The following EXOC7 variants were observed in gnomAD, a reference collection of about 807,000 sequenced individuals.
EXOC7 encodes exocyst complex component 7.
In EXOC7, 51 loss-of-function variants were observed where a neutral mutation model predicts 87.6. The ratio of observed to expected loss-of-function variants is 0.58; its 90% CI spans 0.46 to 0.73. The LOEUF (loss-of-function observed/expected upper bound fraction) is 0.73. Ranked by LOEUF, EXOC7 falls within the 30% of genes least tolerant of loss-of-function variation. EXOC7 has a pLI of 0.00. For synonymous variants in EXOC7, 327 were observed against 357.1 expected, an observed-to-expected ratio of 0.92 and a Z score of 0.95; for missense variants, 744 against 888.4, an observed-to-expected ratio of 0.84 and a Z score of 2.07.
chr17:76,090,523 G>A (rs1309342725), intron 7 of EXOC7: 2 of 1,540,048 alleles, frequency 1.3e-6, no homozygotes, highest in Non-Finnish European at 1.8e-6. Flanking sequence ...GATGGGGAAG[G>A]GGGCATCGGA....
rs771151801 is a variant in EXOC7, at chr17:76,088,832, G to A, written c.1139C>T (p.Thr380Ile). Residue 380 changes from threonine (T) to isoleucine (I), a missense_variant, in exon 9 of 19, where the codon ACC becomes ATC. Around this residue, in one of 3 missense-constraint regions of EXOC7, gnomAD observed 512 missense variants for 573.0 expected, o/e 0.89. Coordinates refer to ENST00000589210, the MANE Select transcript of EXOC7 (RefSeq NM_001013839.4). ...IVRHDFSTVL[T>I]VFPILRHLKQ... Reference sequence around the variant, plus strand: ...GAGGTGTCGCAGGATGGGGAAGACGGTGAGCACCGTGGAGAAGTCGTGTCG... The same window carrying A: ...GAGGTGTCGCAGGATGGGGAAGACGATGAGCACCGTGGAGAAGTCGTGTCG... 3.1e-6 allele frequency: 5 copies of A among 1,613,886 alleles called. No homozygotes were observed. Among genetic ancestry groups the A allele is most frequent in the Non-Finnish European group, 3.4e-6 (4 of 1,180,036 alleles).
At position 76,091,154 on chromosome 17, in the gene EXOC7, A is replaced by G. The variant is rs775916872; in HGVS notation, c.890T>C (p.Ile297Thr). Residue 297 changes from isoleucine to threonine, a missense_variant, in exon 7 of 19, where the codon ATT (isoleucine) becomes ACT (threonine). By Grantham distance (89) the Ile-to-Thr change is moderately conservative (BLOSUM62 -1). Around this residue, in one of 3 missense-constraint regions of EXOC7, gnomAD observed 512 missense variants for 573.0 expected, o/e 0.89. Transcript: ENST00000589210. ...CACAGGGTGATTACCTTCCAGAGGA[A>G]TGAGGTTAGAGCCCCCCTTTTTCCC... ...LDGKKGGSNL[I>T]PLEGRDDMLD... 1 of 1,613,764 alleles carries G rather than the reference A, an allele frequency of 6.2e-7. No individual in the cohort carries two copies. The highest frequency in any genetic ancestry group is 8.5e-7 in the Non-Finnish European group (1 of 1,179,648).
rs147532267 is a variant in EXOC7, at chr17:76,101,569, T to C, written c.311+110A>G. On this transcript the variant is annotated intron_variant, in intron 3 of 18. Transcript: ENST00000589210. ...GTCCAGACTGGTCTTGAACTCCTAG[T>C]CTCAAGCGATCCTCCCACCTCAGCC... 4.1e-4 allele frequency: 578 copies of C among 1,404,148 alleles called. 6 individuals are homozygous for C. The African/African-American group carries it at 7.4e-3, about 18-fold the overall frequency. 87.0% of individuals were successfully genotyped at this position (1,404,148 alleles called of 1,614,324 possible). A position where few individuals can be genotyped will look rare whatever the true frequency, so the allele number is the denominator to read the frequency against.
In EXOC7 at chr17:76,082,607, C is replaced by G. The variant is rs1163431309; in HGVS notation, c.*1041G>C. 1.2e-6 allele frequency: 2 copies of G among 1,613,388 alleles called. No homozygotes were observed. The highest frequency in any genetic ancestry group is 1.7e-6 in the Non-Finnish European group (2 of 1,179,844). Reference sequence around the variant, plus strand: ...ATGTGGGCAGCGTGCAAGTCTGACGCAGCCCCTGGAGAGGCTGCACCCCAT... The same window carrying G: ...ATGTGGGCAGCGTGCAAGTCTGACGGAGCCCCTGGAGAGGCTGCACCCCAT... On this transcript the variant is annotated 3_prime_UTR_variant, in exon 19 of 19. Transcript: ENST00000589210.
At chr17:76,103,174 AGGGTACGGAACATGG>A (rs2068158099) in intron 2 of EXOC7, 172 bp downstream of exon 2, 1 of 600,030 alleles carries the variant, frequency 1.7e-6, no homozygotes. Context: ...CTCCTCAGTG[AGGGTACGGAACATGG>A]GGAGGGGGCT....
intron 7 of EXOC7, chr17:76,090,640 C>A: frequency 1.5e-6 from 1 of 672,034 alleles, no homozygotes; most frequent in Non-Finnish European, 2.5e-6. Flanking sequence ...TTTCCCCGAG[C>A]CTGGAGGCCC....
At chr17:76,087,793 G>A in intron 11 of EXOC7, 73 bp from the exon 12 acceptor site, 2 of 1,483,884 alleles carry the variant, frequency 1.3e-6, no homozygotes, top group East Asian at 2.5e-5. Context: ...CGACCCCTCT[G>A]AGTGCCCAGG....
intron 12 of EXOC7, chr17:76,087,009 CT>C: frequency 2.4e-6 from 2 of 842,290 alleles, no homozygotes; most frequent in Non-Finnish European, 3.9e-6. Context: ...TTAAGCAGAC[CT>C]CTCCCCACGA....
In EXOC7 at chr17:76,081,936, TGCTGCTGGCTGG is replaced by T. The variant is rs1209393823; in HGVS notation, c.*1700_*1711del. 10 of 1,613,302 alleles carry T rather than the reference TGCTGCTGGCTGG, an allele frequency of 6.2e-6. No individual in the cohort carries two copies. Among genetic ancestry groups the T allele is most frequent in the Admixed American group, 1.7e-5 (1 of 59,934 alleles). ...CTCTTCCTCAGCACCATAGAGACTG[TGCTGCTGGCTGG>T]GCTGCTGGCCCGGGGCAACCTTGGG... On this transcript the variant is annotated 3_prime_UTR_variant, in exon 19 of 19. Transcript: ENST00000589210.
intron 4 of EXOC7, among the ~76,000 whole-genome samples, chr17:76,100,682 C>T (rs933620963): frequency 2.0e-5 from 3 of 151,530 alleles, no homozygotes; most frequent in Admixed American, 2.0e-4. Context: ...AATAAAGGAA[C>T]AACAAATGCA....
rs2067063058 is a variant in EXOC7 at position 76,083,344 on chromosome 17, A to C, written c.*304T>G. On this transcript the variant is annotated 3_prime_UTR_variant, in exon 19 of 19. Coordinates refer to ENST00000589210, the MANE Select transcript of EXOC7 (RefSeq NM_001013839.4). Reference sequence around the variant, plus strand: ...CTGCTCTTGGTACACATGGAGCAGCAGTGGGCACAGGCCTCTGTCTTCCTT... The same window carrying C: ...CTGCTCTTGGTACACATGGAGCAGCCGTGGGCACAGGCCTCTGTCTTCCTT... 2 of 371,682 alleles carry C rather than the reference A, an allele frequency of 5.4e-6. No individual in the cohort carries two copies. The highest frequency in any genetic ancestry group is 1.0e-5 in the Non-Finnish European group (2 of 196,582). The allele number at this position is 371,682 out of a possible 1,614,324, so 23.0% of individuals were successfully genotyped here.
At chr17:76,103,087 GTGTT>G (rs1205330367) in intron 2 of EXOC7, 29 of 499,628 alleles carry the variant, frequency 5.8e-5, no homozygotes, top group African/African-American at 5.1e-4. Flanking sequence ...GACTCACTGA[GTGTT>G]TGCAGAAGGA....
chr17:76,086,421 C>T (rs2067214749), intron 12 of EXOC7, among the ~76,000 whole-genome samples: 1 of 152,186 alleles, frequency 6.6e-6, no homozygotes, highest in Non-Finnish European at 1.5e-5. Context: ...GCGCCCTGTC[C>T]CCTCCTGCCC....
rs1277387864 is a variant in EXOC7 at position 76,084,145 on chromosome 17, C to T, written c.1819-6G>A. 4.4e-6 allele frequency: 7 copies of T among 1,594,558 alleles called. No homozygotes were observed. The East Asian group carries it at 1.6e-4, about 36-fold the overall frequency. On this transcript the variant is annotated splice_region_variant and splice_polypyrimidine_tract_variant and intron_variant, in intron 17 of 18. Coordinates refer to ENST00000589210, the MANE Select transcript of EXOC7 (RefSeq NM_001013839.4). ...TCGAGGCCATCATTGAAGCCCTGGC[C>T]ACCAAAAAGGTGAAAAAGGAAGGCA... is the stretch of plus-strand genomic sequence containing the variant.
intron 2 of EXOC7, among the ~76,000 whole-genome samples, chr17:76,102,758 A>G (rs1296413168): frequency 1.3e-5 from 2 of 152,208 alleles, no homozygotes; most frequent in African/African-American, 2.4e-5. Flanking sequence ...TTGAGCACCT[A>G]TTGTATACCA....
rs140454061 is a variant in EXOC7, at chr17:76,081,644, C to A, written c.*2004G>T. On this transcript the variant is annotated 3_prime_UTR_variant, in exon 19 of 19. Coordinates refer to ENST00000589210, the MANE Select transcript of EXOC7 (RefSeq NM_001013839.4). ...CGTGTGCGGGGGGTTGCTGCCCCTCCGGGCCATTGAGCGCATAGGCTACAA... is the reference window on the plus strand; with the variant it reads ...CGTGTGCGGGGGGTTGCTGCCCCTCAGGGCCATTGAGCGCATAGGCTACAA... 1.2e-6 allele frequency: 2 copies of A among 1,614,012 alleles called. No homozygotes were observed. Among genetic ancestry groups the A allele is most frequent in the Non-Finnish European group, 8.5e-7 (1 of 1,180,040 alleles).
chr17:76,081,048 T>C lies in EXOC7; in HGVS notation c.*2600A>G, dbSNP rs766342441. 16 of 519,710 alleles carry C rather than the reference T, an allele frequency of 3.1e-5. No homozygotes were observed. Among genetic ancestry groups the C allele is most frequent in the South Asian group, 6.1e-5 (3 of 49,344 alleles). The allele number at this position is 519,710 out of a possible 1,614,324, so 32.2% of individuals were successfully genotyped here. Reference sequence around the variant, plus strand: ...GTGCAAAGTACATTTATTTTTACAATGAAAGCTCATCTATGAATCTGATAA... The same window carrying C: ...GTGCAAAGTACATTTATTTTTACAACGAAAGCTCATCTATGAATCTGATAA... On this transcript the variant is annotated 3_prime_UTR_variant, in exon 19 of 19. Coordinates refer to ENST00000589210, the MANE Select transcript of EXOC7 (RefSeq NM_001013839.4).
Position 76,085,300 on chromosome 17 carries a change from G to A in EXOC7, c.1712+14C>T. On this transcript the variant is annotated intron_variant, in intron 15 of 18. Coordinates refer to ENST00000589210, the MANE Select transcript of EXOC7 (RefSeq NM_001013839.4). ...AGGGGCCCATGCAGGAGCAGGGCGG[G>A]CCCAGCCTCTCACCTGCGCTGGTAG... is the stretch of plus-strand genomic sequence containing the variant. 1.3e-6 allele frequency: 2 copies of A among 1,581,528 alleles called. No homozygotes were observed. Among genetic ancestry groups the A allele is most frequent in the Non-Finnish European group, 1.7e-6 (2 of 1,164,042 alleles).
chr17:76,090,703 AG>A (rs1021801825), intron 7 of EXOC7: 2 of 581,296 alleles, frequency 3.4e-6, no homozygotes, highest in South Asian at 2.1e-5. Context: ...GCTTGGCCCC[AG>A]GGGGGTTCCC....
Sources: allele counts gnomAD v4.1 joint callset (sites outside exome capture counted in the v4.1 genomes callset), GRCh38; gene constraint gnomAD v4.1.1; regional missense constraint gnomAD v4.1.1; transcripts MANE v1.5; gene names NCBI Gene and HGNC (gene_info 2026-07-23, HGNC 2026-07-21).